The following ATP6V1C1 variants were observed in gnomAD, a reference collection of about 807,000 sequenced individuals.
ATP6V1C1 encodes the protein V-type proton ATPase subunit C 1.
A neutral mutation model predicts 53.9 loss-of-function variants in ATP6V1C1; 45 were observed. That is an observed-to-expected ratio of 0.83 (90% CI 0.66 to 1.07). The LOEUF (loss-of-function observed/expected upper bound fraction) is 1.07. Ranked by LOEUF, ATP6V1C1 falls within the 50% of genes least tolerant of loss-of-function variation. The probability of loss-of-function intolerance (pLI) is 0.00; values close to 1 mark genes in which losing one functional copy is unlikely to be tolerated. For missense variants in ATP6V1C1, 315 were observed against 440.3 expected, an observed-to-expected ratio of 0.72 and a Z score of 2.55; for synonymous variants, 153 against 155.2, an observed-to-expected ratio of 0.99 and a Z score of 0.11.
At chr8:103,067,617 T>TTTTTTTTTTTTTTC (rs1408507732) in intron 12 of ATP6V1C1, among the ~76,000 whole-genome samples, 1 of 144,426 alleles carries the variant, frequency 6.9e-6, no homozygotes, top group Non-Finnish European at 1.5e-5. Flanking sequence ...TTTTTTTTTT[T>TTTTTTTTTTTTTTC]CGAGATGGAG....
At chr8:103,055,680 TC>T (rs1374015246) in intron 7 of ATP6V1C1, among the ~76,000 whole-genome samples, 187 bp from the exon 8 acceptor site, 1 of 152,180 alleles carries the variant, frequency 6.6e-6, no homozygotes, top group Non-Finnish European at 1.5e-5. Context: ...GATCTGTTTT[TC>T]CTGCATTACT....
At chr8:103,057,530 G>C (rs1817311463) in intron 8 of ATP6V1C1, among the ~76,000 whole-genome samples, 1 of 152,048 alleles carries the variant, frequency 6.6e-6, no homozygotes, top group Non-Finnish European at 1.5e-5. Context: ...GGAAAGTTAG[G>C]GTTTTCCTTT....
intron 1 of ATP6V1C1, among the ~76,000 whole-genome samples, chr8:103,025,958 G>T (rs1290153712): frequency 6.6e-6 from 1 of 152,204 alleles, no homozygotes; most frequent in Non-Finnish European, 1.5e-5. Context: ...TGGTACCGTG[G>T]TCCAGTCACT....
intron 1 of ATP6V1C1, among the ~76,000 whole-genome samples, chr8:103,031,352 G>T (rs1165346008): frequency 6.6e-6 from 1 of 152,144 alleles, no homozygotes; most frequent in East Asian, 1.9e-4. Flanking sequence ...AATTTATAAA[G>T]AAAAGAGGTT....
At chr8:103,055,792 A>AT (rs1357656786) in intron 7 of ATP6V1C1, 76 bp from the exon 8 acceptor site, 5 of 1,384,040 alleles carry the variant, frequency 3.6e-6, no homozygotes, top group Non-Finnish European at 4.0e-6. Context: ...TTGTCTCATA[A>AT]TTTTTTCTCT....
intron 6 of ATP6V1C1, 58 bp downstream of exon 6, chr8:103,052,880 C>A: frequency 2.9e-6 from 3 of 1,032,806 alleles, no homozygotes; most frequent in South Asian, 1.7e-5. Context: ...TAGCATGCAC[C>A]GAAGGAGATA....
At chr8:103,046,179 ATAATT>A (rs1817093703) in intron 3 of ATP6V1C1, among the ~76,000 whole-genome samples, 1 of 152,114 alleles carries the variant, frequency 6.6e-6, no homozygotes, top group Non-Finnish European at 1.5e-5. Flanking sequence ...TGTCCTGAAT[ATAATT>A]TAAAGTTTGC....
chr8:103,055,181 C>T (rs1049728260), intron 7 of ATP6V1C1, among the ~76,000 whole-genome samples: 8 of 152,148 alleles, frequency 5.3e-5, no homozygotes, highest in Non-Finnish European at 1.0e-4. Flanking sequence ...ATTTGACTCA[C>T]TCAACCTTTA....
At position 103,034,615 on chromosome 8, in the gene ATP6V1C1, C is replaced by T. The variant is rs942013086; in HGVS notation, c.-39-6183C>T. Among the ~76,000 whole-genome samples, 4 of 149,478 alleles carry T rather than the reference C, an allele frequency of 2.7e-5. No individual in the cohort carries two copies. In the East Asian group the frequency reaches 7.8e-4, roughly 29 times the overall value. The stretch of plus-strand genomic sequence containing the variant: ...ATGAAGTCTTGGTCTGTCACCCAGG[C>T]TAGGGTGCAGTGGCTCCATCTTGGC... On this transcript the variant is annotated intron_variant, in intron 1 of 12. Transcript: ENST00000518738.
chr8:103,034,911 G>A (rs565440844), intron 1 of ATP6V1C1, among the ~76,000 whole-genome samples: 25 of 152,288 alleles, frequency 1.6e-4, no homozygotes, highest in Admixed American at 1.5e-3. Flanking sequence ...TAAGTGACAA[G>A]TTGAGAGCGG....
intron 1 of ATP6V1C1, among the ~76,000 whole-genome samples, chr8:103,030,873 A>G (rs1328209787): frequency 6.6e-6 from 1 of 152,226 alleles, no homozygotes; most frequent in Non-Finnish European, 1.5e-5. Context: ...CTGACCAGAT[A>G]TGGGAGAGAG....
chr8:103,035,754 C>CA (rs1256146836), intron 1 of ATP6V1C1, among the ~76,000 whole-genome samples: 3 of 152,274 alleles, frequency 2.0e-5, no homozygotes, highest in Non-Finnish European at 4.4e-5. Context: ...GGGGTAGAGT[C>CA]AGAGTTTTAA....
chr8:103,037,282 T>G (rs1309774471), intron 1 of ATP6V1C1, among the ~76,000 whole-genome samples: 1 of 152,156 alleles, frequency 6.6e-6, no homozygotes, highest in Non-Finnish European at 1.5e-5. Context: ...TGCAACATTA[T>G]GCAGTTAGAT....
At chr8:103,039,020 T>C (rs1816947304) in intron 1 of ATP6V1C1, among the ~76,000 whole-genome samples, 2 of 152,206 alleles carry the variant, frequency 1.3e-5, no homozygotes, top group Non-Finnish European at 2.9e-5. Flanking sequence ...TTTAACTTCA[T>C]CAGTAATGTT....
chr8:103,067,374 G>A (rs1271396370), intron 12 of ATP6V1C1, among the ~76,000 whole-genome samples: 1 of 144,086 alleles, frequency 6.9e-6, no homozygotes, highest in Non-Finnish European at 1.5e-5. Flanking sequence ...TCCAGCCTGG[G>A]TGACAGAGGG....
At chr8:103,038,622 A>G (rs1485205727) in intron 1 of ATP6V1C1, among the ~76,000 whole-genome samples, 2 of 152,248 alleles carry the variant, frequency 1.3e-5, no homozygotes, top group African/African-American at 4.8e-5. Flanking sequence ...GAAGAAGCAG[A>G]TAATAAATTT....
chr8:103,072,639 T>G lies in ATP6V1C1; in HGVS notation c.*3892T>G, dbSNP rs1468588898. 6.6e-6 allele frequency: 1 copy of G among 152,248 alleles called. No homozygotes were observed. Among genetic ancestry groups the G allele is most frequent in the Non-Finnish European group, 1.5e-5 (1 of 68,054 alleles). The allele number at this position is 152,248 out of a possible 1,614,324, so 9.4% of individuals were successfully genotyped here. A position where few individuals can be genotyped will look rare whatever the true frequency, so the allele number is the denominator to read the frequency against. The stretch of plus-strand genomic sequence containing the variant: ...CTAGCATAGATAACAATTGATTCTT[T>G]AGATTCATATATGGAGGTAATTCTT... On this transcript the variant is annotated 3_prime_UTR_variant, in exon 13 of 13. Transcript: ENST00000518738.
intron 3 of ATP6V1C1, among the ~76,000 whole-genome samples, chr8:103,048,196 C>T (rs2131393760): frequency 6.6e-6 from 1 of 152,314 alleles, no homozygotes; most frequent in Middle Eastern, 3.4e-3. Flanking sequence ...AAAGAACTGA[C>T]AAGGTCATAT....
At position 103,040,864 on chromosome 8, in the gene ATP6V1C1, C is replaced by T. The variant is rs1420301964; in HGVS notation, c.28C>T (p.Pro10Ser). Reference protein sequence around the residue: MTEFWLISAPGEKTCQQTWE... With the variant: MTEFWLISASGEKTCQQTWE... ...GACTGAGTTCTGGCTTATATCTGCT[C>T]CTGGGGAGAAAACCTGTCAGCAAAC... Residue 10 changes from proline (P) to serine (S), a missense_variant, in exon 2 of 13, where the codon CCT (proline) becomes TCT (serine). Transcript: ENST00000518738. 6.2e-7 allele frequency: 1 copy of T among 1,614,036 alleles called. No homozygotes were observed.
Sources: allele counts gnomAD v4.1 joint callset (sites outside exome capture counted in the v4.1 genomes callset), GRCh38; gene constraint gnomAD v4.1.1; transcripts MANE v1.5; gene names NCBI Gene and HGNC (gene_info 2026-07-23, HGNC 2026-07-21).